The following CACNA2D3 variants were observed in gnomAD, a reference collection of about 807,000 sequenced individuals.
CACNA2D3 encodes the protein voltage-dependent calcium channel subunit alpha-2/delta-3.
CACNA2D3 carries 60 observed loss-of-function variants against 160.6 expected under a neutral mutation model. The ratio of observed to expected loss-of-function variants is 0.37; its 90% CI spans 0.30 to 0.46. The LOEUF is 0.46. CACNA2D3 is among the 20% of genes least tolerant of loss of function. The pLI, the probability that CACNA2D3 is intolerant of heterozygous loss-of-function variation, is 1.00. For missense variants in CACNA2D3, 1,205 were observed against 1,365.0 expected, an observed-to-expected ratio of 0.88 and a Z score of 1.85; for synonymous variants, 558 against 492.9, an observed-to-expected ratio of 1.13 and a Z score of -1.75.
At chr3:54,186,132 G>A (rs894699860) in intron 2 of CACNA2D3, among the ~76,000 whole-genome samples, 4 of 152,194 alleles carry the variant, frequency 2.6e-5, no homozygotes, top group Non-Finnish European at 2.9e-5. Context: ...CTCCAGCCCT[G>A]AGGATGGGAA....
At chr3:54,183,443 G>A (rs7647646) in intron 2 of CACNA2D3, among the ~76,000 whole-genome samples, 1 of 151,994 alleles carries the variant, frequency 6.6e-6, no homozygotes, top group Non-Finnish European at 1.5e-5. Flanking sequence ...GGCAGGGTTA[G>A]ATCTGCATCC....
chr3:54,933,986 G>A (rs1024587626), intron 27 of CACNA2D3, among the ~76,000 whole-genome samples: 15 of 152,244 alleles, frequency 9.9e-5, no homozygotes, highest in African/African-American at 3.6e-4. Flanking sequence ...GGTCAGGCTG[G>A]TCTCTAACTC....
At chr3:54,687,000 T>C (rs1285401085) in intron 11 of CACNA2D3, among the ~76,000 whole-genome samples, 2 of 152,114 alleles carry the variant, frequency 1.3e-5, no homozygotes, top group African/African-American at 2.4e-5. Flanking sequence ...CCCGGAGTCA[T>C]TGTAAATCAA....
rs141357952 is a variant in CACNA2D3 at position 54,247,081 on chromosome 3, G to T, written c.205-73361G>T. 4.9e-3 allele frequency among the ~76,000 whole-genome samples: 743 copies of T among 152,318 alleles called. 5 individuals carry two copies. The highest frequency in any genetic ancestry group is 0.017 in the African/African-American group (698 of 41,572). ...AGTCCCAGCACTTTGGGAGGCCCAG[G>T]TGGGCGGATCACCTGAGGTCAGGAG... On this transcript the variant is annotated intron_variant, in intron 2 of 37. Transcript: ENST00000474759.
At chr3:55,049,847 C>T (rs1156881133) in intron 35 of CACNA2D3, among the ~76,000 whole-genome samples, 1 of 147,230 alleles carries the variant, frequency 6.8e-6, no homozygotes, top group Admixed American at 6.6e-5. Context: ...GATCCCTTTA[C>T]CATTATGTAA....
intron 17 of CACNA2D3, among the ~76,000 whole-genome samples, chr3:54,870,061 G>A (rs1699490443): frequency 6.6e-6 from 1 of 152,154 alleles, no homozygotes; most frequent in Admixed American, 6.5e-5. Flanking sequence ...ATCCTAGGTA[G>A]TGGTGAGGAG....
intron 17 of CACNA2D3, among the ~76,000 whole-genome samples, chr3:54,870,568 G>C (rs1303027367): frequency 2.6e-5 from 4 of 152,162 alleles, no homozygotes; most frequent in Non-Finnish European, 5.9e-5. Flanking sequence ...AGCATGAAAG[G>C]CCTCAAGACA....
At chr3:54,234,280 T>C (rs111309325) in intron 2 of CACNA2D3, among the ~76,000 whole-genome samples, 17 of 152,092 alleles carry the variant, frequency 1.1e-4, no homozygotes, top group African/African-American at 4.1e-4. Context: ...CAAAACTACA[T>C]TGAGATACCA....
chr3:54,768,748 T>A (rs1285785066), intron 13 of CACNA2D3, among the ~76,000 whole-genome samples: 1 of 152,242 alleles, frequency 6.6e-6, no homozygotes, highest in African/African-American at 2.4e-5. Context: ...TCATTTATTC[T>A]ACTTCTTAAA....
chr3:54,189,785 C>T (rs561575888), intron 2 of CACNA2D3, among the ~76,000 whole-genome samples: 82 of 152,272 alleles, frequency 5.4e-4, no homozygotes, highest in African/African-American at 1.9e-3. Flanking sequence ...CCTATCTTCC[C>T]CATCAGCTAC....
intron 17 of CACNA2D3, among the ~76,000 whole-genome samples, chr3:54,862,656 G>A (rs549861763): frequency 1.1e-4 from 17 of 152,148 alleles, no homozygotes; most frequent in Non-Finnish European, 2.4e-4. Flanking sequence ...TGAGACTAGA[G>A]TCCACTGCCC....
At chr3:54,188,057 A>G (rs1021838833) in intron 2 of CACNA2D3, among the ~76,000 whole-genome samples, 4 of 152,158 alleles carry the variant, frequency 2.6e-5, no homozygotes, top group African/African-American at 9.7e-5. Context: ...GCATCAGGGG[A>G]TCAACATGGG....
intron 13 of CACNA2D3, among the ~76,000 whole-genome samples, chr3:54,793,010 A>T (rs6799750): frequency 0.047 from 7,202 of 152,172 alleles, 551 homozygotes; most frequent in African/African-American, 0.16. Flanking sequence ...CCTAAGCAAA[A>T]CCTGTTACTT....
chr3:55,013,765 C>A (rs1703262483), intron 34 of CACNA2D3, among the ~76,000 whole-genome samples: 1 of 151,994 alleles, frequency 6.6e-6, no homozygotes, highest in African/African-American at 2.4e-5. Context: ...TTGCTGGCAC[C>A]CGGTTGTGAA....
chr3:54,684,441 C>G (rs1223839746), intron 11 of CACNA2D3, among the ~76,000 whole-genome samples: 1 of 152,200 alleles, frequency 6.6e-6, no homozygotes. Context: ...ACAGCAAACA[C>G]CACCTTTATT....
chr3:54,902,765 C>G (rs966360336), intron 27 of CACNA2D3, among the ~76,000 whole-genome samples: 4 of 152,186 alleles, frequency 2.6e-5, no homozygotes, highest in Non-Finnish European at 5.9e-5. Context: ...AAAGTTCTAT[C>G]TAAAATAGGC....
intron 3 of CACNA2D3, among the ~76,000 whole-genome samples, chr3:54,352,681 G>A (rs759985771): frequency 6.6e-5 from 10 of 152,210 alleles, no homozygotes; most frequent in Non-Finnish European, 1.5e-4. Flanking sequence ...ACAAATTGCA[G>A]CATGCTCCCA....
chr3:54,329,748 A>G (rs138552932), intron 3 of CACNA2D3, among the ~76,000 whole-genome samples: 245 of 152,078 alleles, frequency 1.6e-3, no homozygotes, highest in Non-Finnish European at 2.9e-3. Flanking sequence ...AGAAAGCCAT[A>G]ATAATAATAA....
intron 9 of CACNA2D3, among the ~76,000 whole-genome samples, chr3:54,624,657 A>G (rs1373153800): frequency 6.6e-6 from 1 of 152,164 alleles, no homozygotes; most frequent in African/African-American, 2.4e-5. Flanking sequence ...CTGTGTTAAC[A>G]TGTGTGACTG....
Sources: gnomAD v4.1 joint callset for allele counts (sites outside exome capture counted in the v4.1 genomes callset) on GRCh38, gnomAD v4.1.1 for gene constraint, MANE v1.5 for transcripts, NCBI Gene and HGNC (gene_info 2026-07-23, HGNC 2026-07-21) for gene names.